FHIT: variants seen among roughly 807,000 people sequenced by gnomAD.
The protein encoded by FHIT is bis(5'-adenosyl)-triphosphatase.
FHIT carries 19 observed loss-of-function variants against 17.9 expected under a neutral mutation model. The ratio of observed to expected loss-of-function variants is 1.06; its 90% confidence interval spans 0.74 to 1.56. The LOEUF is 1.56. Among genes scored for constraint, FHIT ranks in the 40% most tolerant of loss-of-function variants. The probability of loss-of-function intolerance (pLI) is 0.00; values close to 1 mark genes in which losing one functional copy is unlikely to be tolerated. For missense variants in FHIT, 248 were observed against 189.2 expected, an observed-to-expected ratio of 1.31 and a Z score of -1.82; for synonymous variants, 81 against 69.7, an observed-to-expected ratio of 1.16 and a Z score of -0.81.
intron 2 of FHIT, among the ~76,000 whole-genome samples, chr3:61,054,063 G>C (rs2034127274): frequency 6.6e-6 from 1 of 152,202 alleles, no homozygotes; most frequent in South Asian, 2.1e-4. Context: ...GCTAGTCCCT[G>C]ATGTCACAGC....
intron 3 of FHIT, among the ~76,000 whole-genome samples, chr3:60,987,254 A>G (rs1710757009): frequency 6.6e-6 from 1 of 152,116 alleles, no homozygotes; most frequent in Admixed American, 6.5e-5. Flanking sequence ...ACTGGCCCCA[A>G]AACTGGCCAT....
chr3:60,085,338 T>G (rs1703450457), intron 5 of FHIT, among the ~76,000 whole-genome samples: 1 of 152,176 alleles, frequency 6.6e-6, no homozygotes, highest in Non-Finnish European at 1.5e-5. Flanking sequence ...AAGGCCCTAC[T>G]ACATCCTTTG....
At chr3:60,916,107 T>C (rs1309048291) in intron 3 of FHIT, among the ~76,000 whole-genome samples, 2 of 152,200 alleles carry the variant, frequency 1.3e-5, no homozygotes, top group Non-Finnish European at 2.9e-5. Context: ...CTAATTTTAT[T>C]ACAAAGATTA....
intron 5 of FHIT, among the ~76,000 whole-genome samples, chr3:60,407,335 T>G (rs1336502347): frequency 6.6e-6 from 1 of 152,006 alleles, no homozygotes; most frequent in Non-Finnish European, 1.5e-5. Flanking sequence ...TCCAGAGGGT[T>G]GCTATTACAG....
At chr3:59,782,340 A>T (rs1051602768) in intron 8 of FHIT, among the ~76,000 whole-genome samples, 2 of 152,080 alleles carry the variant, frequency 1.3e-5, no homozygotes, top group Non-Finnish European at 2.9e-5. Flanking sequence ...TGTAATAAAG[A>T]TAGAGTTATT....
chr3:60,442,341 T>A (rs1182608219), intron 5 of FHIT, among the ~76,000 whole-genome samples: 1 of 151,894 alleles, frequency 6.6e-6, no homozygotes, highest in African/African-American at 2.4e-5. Context: ...AAAGAAAAAC[T>A]CCCCCCATGC....
chr3:61,159,706 G>T (rs1239043716), intron 2 of FHIT, among the ~76,000 whole-genome samples: 2 of 152,250 alleles, frequency 1.3e-5, no homozygotes, highest in Non-Finnish European at 2.9e-5. Flanking sequence ...TCTGTGATTA[G>T]AGTAATATTT....
chr3:60,131,147 T>C (rs1699580887), intron 5 of FHIT, among the ~76,000 whole-genome samples: 1 of 137,888 alleles, frequency 7.3e-6, no homozygotes, highest in African/African-American at 2.7e-5. Flanking sequence ...GACCCCTGCA[T>C]ATACAAAAAT....
intron 3 of FHIT, among the ~76,000 whole-genome samples, chr3:60,835,951 G>A (rs782761557): frequency 7.2e-5 from 11 of 152,134 alleles, no homozygotes; most frequent in South Asian, 4.1e-4. Context: ...GTGTTTTTTC[G>A]TCTTTGTAGA....
rs147892145 is a variant in FHIT at position 60,614,809 on chromosome 3, G to GTTT, written c.-17-77833_-17-77831dup. Among the ~76,000 whole-genome samples, 22 of 78,236 alleles carry GTTT rather than the reference G, an allele frequency of 2.8e-4. 4 individuals carry two copies. Among genetic ancestry groups the GTTT allele is most frequent in the African/African-American group, 3.9e-4 (8 of 20,254 alleles). 51.3% of individuals were successfully genotyped at this position (78,236 alleles called of 152,430 possible). A position where few individuals can be genotyped will look rare whatever the true frequency, so the allele number is the denominator to read the frequency against. On this transcript the variant is annotated intron_variant, in intron 4 of 9. Coordinates refer to ENST00000492590, the MANE Select transcript of FHIT (RefSeq NM_002012.4). The stretch of plus-strand genomic sequence containing the variant: ...CGATTTGTAAAAAATTGCAAAAGTT[G>GTTT]TTTTTTTTTTGTTTTTTTTTTGTTT...
intron 5 of FHIT, among the ~76,000 whole-genome samples, chr3:60,276,050 T>A (rs1024713378): frequency 6.6e-6 from 1 of 151,264 alleles, no homozygotes; most frequent in African/African-American, 2.4e-5. Context: ...TGCAGTGGCA[T>A]GATCTCGGCT....
intron 5 of FHIT, among the ~76,000 whole-genome samples, chr3:60,168,606 G>A (rs1431003517): frequency 6.6e-6 from 1 of 152,148 alleles, no homozygotes; most frequent in South Asian, 2.1e-4. Flanking sequence ...AATTCATATG[G>A]GTTGAGATTA....
intron 4 of FHIT, among the ~76,000 whole-genome samples, chr3:60,593,023 A>G (rs564572733): frequency 9.7e-4 from 147 of 152,286 alleles, no homozygotes; most frequent in African/African-American, 3.4e-3. Flanking sequence ...TTGATGGCAC[A>G]GACAGGCATA....
chr3:60,573,710 C>G (rs946939014), intron 4 of FHIT, among the ~76,000 whole-genome samples: 1 of 152,194 alleles, frequency 6.6e-6, no homozygotes, highest in Non-Finnish European at 1.5e-5. Context: ...AGTCAAATGA[C>G]TGTCATCATT....
chr3:60,569,074 T>C (rs1367718696), intron 4 of FHIT, among the ~76,000 whole-genome samples: 1 of 152,094 alleles, frequency 6.6e-6, no homozygotes, highest in African/African-American at 2.4e-5. Context: ...TTATTGCCTG[T>C]CTGTGGCTGA....
At chr3:59,839,694 G>A (rs1002960894) in intron 8 of FHIT, among the ~76,000 whole-genome samples, 2 of 152,072 alleles carry the variant, frequency 1.3e-5, no homozygotes, top group African/African-American at 4.8e-5. Context: ...CAATCCCAGT[G>A]CCATTATCTC....
At chr3:60,832,566 T>C (rs1421833324) in intron 3 of FHIT, among the ~76,000 whole-genome samples, 5 of 151,948 alleles carry the variant, frequency 3.3e-5, no homozygotes, top group African/African-American at 4.8e-5. Flanking sequence ...CCAATTTCAA[T>C]AGAAACCAGC....
chr3:60,540,203 G>A (rs548318510), intron 4 of FHIT, among the ~76,000 whole-genome samples: 43 of 152,132 alleles, frequency 2.8e-4, no homozygotes, highest in African/African-American at 9.2e-4. Flanking sequence ...AGGATGGCTC[G>A]CCCTGGGAGA....
At chr3:60,198,105 CT>C (rs960748758) in intron 5 of FHIT, among the ~76,000 whole-genome samples, 4 of 143,244 alleles carry the variant, frequency 2.8e-5, no homozygotes, top group Admixed American at 7.3e-5. Context: ...GTTTGGATGA[CT>C]TTTTTTTCTT....
Sources: allele counts gnomAD v4.1 joint callset (sites outside exome capture counted in the v4.1 genomes callset), GRCh38; gene constraint gnomAD v4.1.1; transcripts MANE v1.5; gene names NCBI Gene and HGNC (gene_info 2026-07-23, HGNC 2026-07-21).